CTDP1: variants seen among roughly 807,000 people sequenced by gnomAD.
CTDP1 encodes RNA polymerase II subunit A C-terminal domain phosphatase.
A neutral mutation model predicts 91.8 loss-of-function variants in CTDP1; 47 were observed. The observed-to-expected ratio is 0.51, with a 90% CI of 0.41 to 0.65. The LOEUF (loss-of-function observed/expected upper bound fraction) is 0.65, where lower values mean the gene tolerates loss of function less well. Among genes scored for constraint, CTDP1 ranks in the 30% least tolerant of loss-of-function variants. The probability of loss-of-function intolerance (pLI) is 0.00; values close to 1 mark genes in which losing one functional copy is unlikely to be tolerated. For synonymous variants in CTDP1, 656 were observed against 598.5 expected (o/e 1.10, Z -1.40); for missense variants, 1,272 against 1,373.7 (o/e 0.93, Z 1.17).
chr18:79,683,390 C>T (rs1417875883), intron 1 of CTDP1, among the ~76,000 whole-genome samples: 1 of 152,232 alleles, frequency 6.6e-6, no homozygotes, highest in African/African-American at 2.4e-5. Context: ...CAAGCATGGG[C>T]AGAATCCACA....
upstream of CTDP1, chr18:79,679,683 G>C: frequency 1.9e-6 from 1 of 528,272 alleles, no homozygotes; most frequent in South Asian, 1.6e-5. Flanking sequence ...AGTTCTTCAC[G>C]GCCGGCACGC....
chr18:79,680,553 C>A (rs182639315), intron 1 of CTDP1, among the ~76,000 whole-genome samples: 1 of 152,254 alleles, frequency 6.6e-6, no homozygotes, highest in Non-Finnish European at 1.5e-5. Context: ...CCCGCCCCTT[C>A]CTTTAGCTCC....
At chr18:79,720,599 T>C (rs1042009228) in intron 10 of CTDP1, among the ~76,000 whole-genome samples, 5 of 152,130 alleles carry the variant, frequency 3.3e-5, no homozygotes, top group Non-Finnish European at 5.9e-5. Flanking sequence ...CCCATCGTGT[T>C]CTGGTGACGA....
At chr18:79,681,732 C>G (rs75019659) in intron 1 of CTDP1, among the ~76,000 whole-genome samples, 1 of 152,264 alleles carries the variant, frequency 6.6e-6, no homozygotes, top group Non-Finnish European at 1.5e-5. Context: ...TATCATTTCT[C>G]CTCAGATGGA....
chr18:79,714,020 G>A (rs2086139512), intron 7 of CTDP1, among the ~76,000 whole-genome samples: 1 of 146,860 alleles, frequency 6.8e-6, no homozygotes, highest in Non-Finnish European at 1.5e-5. Flanking sequence ...AGGGGCTTAC[G>A]GCCACGGTGG....
At position 79,753,502 on chromosome 18, in the gene CTDP1, C is replaced by G. The variant is rs1001399354; in HGVS notation, c.2748-150C>G. On this transcript the variant is annotated intron_variant, in intron 12 of 12. Coordinates refer to ENST00000613122, the MANE Select transcript of CTDP1 (RefSeq NM_004715.5). ...CTGTCCACACGTGTGTGACGTGGCC[C>G]TGGGTCGGTGGCCTGTGTGTGTCCT... 8.9e-6 allele frequency: 11 copies of G among 1,229,452 alleles called. 1 individual carries two copies. Among genetic ancestry groups the G allele is most frequent in the African/African-American group, 6.0e-5 (4 of 67,102 alleles). The allele number at this position is 1,229,452 out of a possible 1,614,324, so 76.2% of individuals were successfully genotyped here.
intron 11 of CTDP1, among the ~76,000 whole-genome samples, chr18:79,730,256 T>G (rs1428644093): frequency 6.6e-6 from 1 of 152,202 alleles, no homozygotes; most frequent in Admixed American, 6.5e-5. Context: ...CCAGACCACT[T>G]TATTTAAGAT....
At chr18:79,694,708 C>T (rs1054303854) in intron 1 of CTDP1, among the ~76,000 whole-genome samples, 12 of 152,334 alleles carry the variant, frequency 7.9e-5, no homozygotes, top group Admixed American at 2.0e-4. Flanking sequence ...GATTTCAGCA[C>T]TTCTTCCATG....
rs529800755 is a variant in CTDP1 at position 79,741,616 on chromosome 18, G to A, written c.2747+5095G>A. On this transcript the variant is annotated intron_variant, in intron 12 of 12. Coordinates refer to ENST00000613122, the MANE Select transcript of CTDP1 (RefSeq NM_004715.5). ...AAACAGGAAAGGAAAACAGCACCAC[G>A]TTTTAAAGGCTTAGTTTCCTGACAC... Among the ~76,000 whole-genome samples, 27 of 152,324 alleles carry A rather than the reference G, an allele frequency of 1.8e-4. No homozygotes were observed. In the East Asian group the frequency reaches 5.2e-3, roughly 29 times the overall value.
intron 8 of CTDP1, among the ~76,000 whole-genome samples, chr18:79,716,908 A>G (rs1370742154): frequency 2.0e-5 from 3 of 152,166 alleles, no homozygotes; most frequent in Non-Finnish European, 2.9e-5. Context: ...CCTTCCCACC[A>G]TGGCTGCCTA....
intron 11 of CTDP1, among the ~76,000 whole-genome samples, chr18:79,733,285 G>A (rs1158211152): frequency 6.6e-6 from 1 of 152,216 alleles, no homozygotes; most frequent in Non-Finnish European, 1.5e-5. Flanking sequence ...CAGGACGGGT[G>A]TGCGTTTGGT....
intron 1 of CTDP1, among the ~76,000 whole-genome samples, chr18:79,688,480 G>A (rs1462972895): frequency 6.6e-6 from 1 of 152,056 alleles, no homozygotes; most frequent in African/African-American, 2.4e-5. Context: ...GGCCAGGCTG[G>A]TCTCGAACTC....
intron 12 of CTDP1, among the ~76,000 whole-genome samples, chr18:79,751,471 A>G (rs2086999319): frequency 6.6e-6 from 1 of 152,122 alleles, no homozygotes; most frequent in African/African-American, 2.4e-5. Context: ...GACCACGAAC[A>G]GTTGGGTTCT....
intron 10 of CTDP1, among the ~76,000 whole-genome samples, chr18:79,727,453 G>T (rs983212741): frequency 6.6e-6 from 1 of 152,116 alleles, no homozygotes; most frequent in African/African-American, 2.4e-5. Context: ...CATTCACGGT[G>T]TTCGTGGGAT....
intron 12 of CTDP1, 83 bp downstream of exon 12, chr18:79,736,604 C>A: frequency 1.5e-6 from 2 of 1,340,402 alleles, no homozygotes; most frequent in African/African-American, 2.9e-5. Context: ...CTACCTGCAT[C>A]TCATTCTTCA....
intron 11 of CTDP1, among the ~76,000 whole-genome samples, chr18:79,734,572 C>A (rs1280427126): frequency 1.3e-5 from 2 of 151,206 alleles, no homozygotes; most frequent in East Asian, 3.9e-4. Flanking sequence ...GAGGCCCTCC[C>A]AGGTGGGGCG....
At chr18:79,744,348 A>G (rs943891934) in intron 12 of CTDP1, among the ~76,000 whole-genome samples, 12 of 152,252 alleles carry the variant, frequency 7.9e-5, no homozygotes, top group Non-Finnish European at 1.3e-4. Context: ...CCTGACACAG[A>G]TACTTGGAGT....
intron 10 of CTDP1, among the ~76,000 whole-genome samples, chr18:79,727,479 C>T (rs1047250145): frequency 2.6e-5 from 4 of 152,004 alleles, no homozygotes; most frequent in South Asian, 2.1e-4. Flanking sequence ...GCGCGGCTTT[C>T]GCGGGGTGGG....
chr18:79,679,309 A>C (rs982947357), upstream of CTDP1: 4 of 422,278 alleles, frequency 9.5e-6, no homozygotes, highest in Admixed American at 4.9e-5. Context: ...AGGCGGGGCC[A>C]CCAGGACGCC....
Sources: gnomAD v4.1 joint callset for allele counts (sites outside exome capture counted in the v4.1 genomes callset) on GRCh38, gnomAD v4.1.1 for gene constraint, MANE v1.5 for transcripts, NCBI Gene and HGNC (gene_info 2026-07-23, HGNC 2026-07-21) for gene names.